The following ZCCHC24 variants were observed in gnomAD, a reference collection of about 807,000 sequenced individuals.
ZCCHC24 encodes zinc finger CCHC-type containing 24.
Under a neutral mutation model 26.2 loss-of-function variants are expected in ZCCHC24, and 10 were observed. That is an observed-to-expected ratio of 0.38 (90% CI 0.24 to 0.65). The LOEUF (loss-of-function observed/expected upper bound fraction) is 0.65, where lower values mean the gene tolerates loss of function less well. ZCCHC24 is among the 30% of genes least tolerant of loss of function. The pLI is 0.54. For missense variants in ZCCHC24, 243 were observed against 329.1 expected, an observed-to-expected ratio of 0.74 and a Z score of 2.03; for synonymous variants, 144 against 147.1, an observed-to-expected ratio of 0.98 and a Z score of 0.15.
intron 3 of ZCCHC24, among the ~76,000 whole-genome samples, chr10:79,387,830 G>C (rs1856420920): frequency 6.6e-6 from 1 of 152,240 alleles, no homozygotes; most frequent in Admixed American, 6.5e-5. Context: ...GAAGGCAGGT[G>C]GGGAGACTGT....
intron 3 of ZCCHC24, among the ~76,000 whole-genome samples, chr10:79,390,457 G>T (rs1856464987): frequency 6.6e-6 from 1 of 152,160 alleles, no homozygotes; most frequent in African/African-American, 2.4e-5. Flanking sequence ...GGGGGCAGGG[G>T]AAACAGCGAA....
At chr10:79,433,662 A>G (rs2395574) in intron 1 of ZCCHC24, among the ~76,000 whole-genome samples, 54,094 of 152,108 alleles carry the variant, frequency 0.36, 10,055 homozygotes, top group African/African-American at 0.46. Flanking sequence ...CTTGGGGCTT[A>G]AGTATCTCCT....
chr10:79,416,778 CTG>C (rs1366435159), intron 2 of ZCCHC24, among the ~76,000 whole-genome samples: 1 of 152,208 alleles, frequency 6.6e-6, no homozygotes, highest in Non-Finnish European at 1.5e-5. Context: ...CTTAGCCTCT[CTG>C]TGCCTCAGTT....
intron 1 of ZCCHC24, among the ~76,000 whole-genome samples, chr10:79,444,857 C>A (rs1857341033): frequency 6.6e-6 from 1 of 152,212 alleles, no homozygotes; most frequent in Admixed American, 6.5e-5. Context: ...AGGCCGCACC[C>A]CAGCTGTCTG....
At chr10:79,429,022 C>T (rs936065904) in intron 2 of ZCCHC24, among the ~76,000 whole-genome samples, 4 of 152,140 alleles carry the variant, frequency 2.6e-5, no homozygotes, top group South Asian at 2.1e-4. Context: ...CGGGCGCAGA[C>T]GGCATCGCAG....
At chr10:79,427,544 C>T (rs1857048860) in intron 2 of ZCCHC24, among the ~76,000 whole-genome samples, 2 of 151,532 alleles carry the variant, frequency 1.3e-5, no homozygotes, top group Non-Finnish European at 2.9e-5. Context: ...GTGTGGGAAA[C>T]ACGCAAATAT....
chr10:79,445,499 G>C lies in ZCCHC24; in HGVS notation c.-59C>G. 1.6e-6 allele frequency: 2 copies of C among 1,281,620 alleles called. No individual in the cohort carries two copies. Among genetic ancestry groups the C allele is most frequent in the Non-Finnish European group, 2.0e-6 (2 of 1,010,228 alleles). The allele number at this position is 1,281,620 out of a possible 1,614,324, so 79.4% of individuals were successfully genotyped here. A position where few individuals can be genotyped will look rare whatever the true frequency, so the allele number is the denominator to read the frequency against. ...CCCGCTCGCGGCCCCCCTCCGCAGCGGAGGGGCGGGCACCGGGGAGCCTGT... is the reference window on the plus strand; with the variant it reads ...CCCGCTCGCGGCCCCCCTCCGCAGCCGAGGGGCGGGCACCGGGGAGCCTGT... On this transcript the variant is annotated 5_prime_UTR_variant, in exon 1 of 4. Coordinates refer to ENST00000372336, the MANE Select transcript of ZCCHC24 (RefSeq NM_153367.4).
At chr10:79,388,880 G>A (rs1037257289) in intron 3 of ZCCHC24, among the ~76,000 whole-genome samples, 3 of 152,214 alleles carry the variant, frequency 2.0e-5, no homozygotes, top group Non-Finnish European at 4.4e-5. Flanking sequence ...GCTCCAAGAC[G>A]TTAGGGACAT....
intron 2 of ZCCHC24, among the ~76,000 whole-genome samples, chr10:79,403,123 C>T (rs1045392180): frequency 1.3e-5 from 2 of 152,218 alleles, no homozygotes; most frequent in African/African-American, 4.8e-5. Context: ...CCACATACTC[C>T]TGGGCTCAAG....
intron 1 of ZCCHC24, among the ~76,000 whole-genome samples, chr10:79,439,606 G>C (rs771631062): frequency 6.6e-6 from 1 of 152,076 alleles, no homozygotes. Context: ...TGCTATTACA[G>C]AACAAGACCA....
At chr10:79,426,069 A>G (rs1386897719) in intron 2 of ZCCHC24, among the ~76,000 whole-genome samples, 1 of 152,082 alleles carries the variant, frequency 6.6e-6, no homozygotes, top group Non-Finnish European at 1.5e-5. Context: ...CCAGTGTCCA[A>G]TCCCCCTTCC....
rs868195363 is a variant in ZCCHC24 at position 79,403,800 on chromosome 10, G to C, written c.448-9360C>G. On this transcript the variant is annotated intron_variant, in intron 2 of 3. Transcript: ENST00000372336. ...TGCCATCCTGATTCCACAACACTAG[G>C]GTTTGTCAAAGTGCAAGGAACAATG... 3.9e-4 allele frequency among the ~76,000 whole-genome samples: 60 copies of C among 152,188 alleles called. 1 individual carries two copies. Among genetic ancestry groups the C allele is most frequent in the Middle Eastern group, 6.8e-3 (2 of 294 alleles).
chr10:79,410,682 A>G (rs983934719), intron 2 of ZCCHC24, among the ~76,000 whole-genome samples: 3 of 151,994 alleles, frequency 2.0e-5, no homozygotes, highest in African/African-American at 4.8e-5. Flanking sequence ...TGAAAATGCG[A>G]AAGTCTGCCT....
intron 2 of ZCCHC24, among the ~76,000 whole-genome samples, chr10:79,403,815 A>G (rs974168529): frequency 2.0e-5 from 3 of 152,110 alleles, no homozygotes; most frequent in African/African-American, 7.2e-5. Context: ...GTCAAAGTGC[A>G]AGGAACAATG....
At chr10:79,391,801 C>A (rs1385119611) in intron 3 of ZCCHC24, among the ~76,000 whole-genome samples, 1 of 151,426 alleles carries the variant, frequency 6.6e-6, no homozygotes, top group African/African-American at 2.4e-5. Flanking sequence ...GCTCCCGGAG[C>A]GCTCTCCCCT....
In ZCCHC24 at chr10:79,386,344, G is replaced by A. The variant is rs140265942; in HGVS notation, c.*1C>T. 2.9e-5 allele frequency: 46 copies of A among 1,612,032 alleles called. No homozygotes were observed. The East Asian group carries it at 4.7e-4, about 16-fold the overall frequency. ...GGCTCTGGGTGCGGGCGGGCAGCCCGTCACTGCACGCGACGGCAGTAGTAG... is the reference window on the plus strand; with the variant it reads ...GGCTCTGGGTGCGGGCGGGCAGCCCATCACTGCACGCGACGGCAGTAGTAG... On this transcript the variant is annotated 3_prime_UTR_variant, in exon 4 of 4. Coordinates refer to ENST00000372336, the MANE Select transcript of ZCCHC24 (RefSeq NM_153367.4).
At chr10:79,407,257 G>C (rs1016222972) in intron 2 of ZCCHC24, among the ~76,000 whole-genome samples, 1 of 152,222 alleles carries the variant, frequency 6.6e-6, no homozygotes, top group African/African-American at 2.4e-5. Context: ...TCCCAGAGGA[G>C]CACTCGGTGG....
chr10:79,404,887 G>A (rs917528633), intron 2 of ZCCHC24, among the ~76,000 whole-genome samples: 1 of 152,214 alleles, frequency 6.6e-6, no homozygotes, highest in Non-Finnish European at 1.5e-5. Context: ...GTGACATGCT[G>A]CCCATCTGTG....
chr10:79,389,132 G>A, intron 3 of ZCCHC24, among the ~76,000 whole-genome samples: 1 of 152,208 alleles, frequency 6.6e-6, no homozygotes, highest in East Asian at 1.9e-4. Flanking sequence ...GTGTTTGATG[G>A]AGGGGAACGT....
Sources: gnomAD v4.1 joint callset for allele counts (sites outside exome capture counted in the v4.1 genomes callset) on GRCh38, gnomAD v4.1.1 for gene constraint, MANE v1.5 for transcripts, NCBI Gene and HGNC (gene_info 2026-07-23, HGNC 2026-07-21) for gene names.